Variants in PPFIA3 observed in about 807,000 individuals in gnomAD.
PPFIA3 encodes the protein PPFI scaffold protein A3.
PPFIA3 carries 26 observed loss-of-function variants against 145.8 expected under a neutral mutation model. The observed-to-expected ratio is 0.18, with a 90% CI of 0.13 to 0.25. PPFIA3 has a LOEUF of 0.25. Among genes scored for constraint, PPFIA3 ranks in the 10% least tolerant of loss-of-function variants. The pLI is 1.00. For missense variants in PPFIA3, 1,008 were observed against 1,587.8 expected (o/e 0.63, Z 6.21); for synonymous variants, 645 against 661.4 (o/e 0.98, Z 0.38).
chr19:49,146,559 A>G (rs2041283213), intron 23 of PPFIA3, among the ~76,000 whole-genome samples: 2 of 152,144 alleles, frequency 1.3e-5, no homozygotes, highest in Non-Finnish European at 2.9e-5. Context: ...GCCAAGGAGG[A>G]CACACTGGCT....
At chr19:49,142,711 CTTG>C in intron 20 of PPFIA3, 90 bp from the exon 21 acceptor site, 3 of 1,107,042 alleles carry the variant, frequency 2.7e-6, no homozygotes, top group East Asian at 2.6e-5. Flanking sequence ...TCCCCACCCC[CTTG>C]CCTTTCCCCA....
At position 49,136,925 on chromosome 19, in the gene PPFIA3, C is replaced by T; in HGVS notation, c.1853+14C>T. 1 of 1,503,062 alleles carries T rather than the reference C, an allele frequency of 6.7e-7. No homozygotes were observed. The highest frequency in any genetic ancestry group is 8.9e-7 in the Non-Finnish European group (1 of 1,118,108). 93.1% of individuals were successfully genotyped at this position (1,503,062 alleles called of 1,614,324 possible). Reference sequence around the variant, plus strand: ...CAAGGAGATCAAGTGAGCCCTGGCCCCGCCCCGGCCTGCCCTGCCCTGCCG... The same window carrying T: ...CAAGGAGATCAAGTGAGCCCTGGCCTCGCCCCGGCCTGCCCTGCCCTGCCG... On this transcript the variant is annotated intron_variant, in intron 15 of 29. Coordinates refer to ENST00000334186, the MANE Select transcript of PPFIA3 (RefSeq NM_003660.4).
intron 23 of PPFIA3, among the ~76,000 whole-genome samples, chr19:49,146,756 CCT>C (rs1461355079): frequency 6.6e-6 from 1 of 151,888 alleles, no homozygotes. Flanking sequence ...ATGGTGAAAC[CCT>C]GTGTCTACTA....
In PPFIA3 at chr19:49,134,090, G is replaced by A. The variant is rs1271357762; in HGVS notation, c.1302G>A (p.Val434=). ...DDHNKRLSET[V]DKLLSESNER... is the part of the protein sequence containing the mutation. ...ACAATAAGCGGCTGTCCGAGACGGT[G>A]GACAAGCTGCTGAGCGAGTCCAACG... is the stretch of plus-strand genomic sequence containing the variant. The change falls in exon 11 of 30, where the codon GTG becomes GTA. Residue 434 remains valine, a synonymous_variant. Transcript: ENST00000334186. 1.9e-6 allele frequency: 3 copies of A among 1,613,980 alleles called. No individual in the cohort carries two copies. Among genetic ancestry groups the A allele is most frequent in the Non-Finnish European group, 2.5e-6 (3 of 1,179,938 alleles).
chr19:49,121,517 C>G (rs530754745), intron 1 of PPFIA3, among the ~76,000 whole-genome samples: 1 of 152,122 alleles, frequency 6.6e-6, no homozygotes, highest in Non-Finnish European at 1.5e-5. Flanking sequence ...TGGCTCATGC[C>G]GGTAATCCCA....
intron 19 of PPFIA3, 60 bp from the exon 20 acceptor site, chr19:49,141,974 C>A: frequency 7.2e-7 from 1 of 1,379,354 alleles, no homozygotes; most frequent in Non-Finnish European, 1.0e-6. Context: ...TGGGGGCCAT[C>A]CACAGAGCAG....
intron 17 of PPFIA3, 55 bp downstream of exon 17, chr19:49,139,886 G>C: frequency 6.2e-7 from 1 of 1,611,740 alleles, no homozygotes; most frequent in South Asian, 1.1e-5. Context: ...AAGATGAGAA[G>C]GGGGTGGACA....
At chr19:49,141,849 T>TG (rs985791862) in intron 19 of PPFIA3, among the ~76,000 whole-genome samples, 185 bp from the exon 20 acceptor site, 3 of 151,746 alleles carry the variant, frequency 2.0e-5, no homozygotes, top group African/African-American at 4.9e-5. Context: ...TGATAGGGGT[T>TG]GGGGGGAGAG....
Position 49,120,577 on chromosome 19 carries a change from C to A in PPFIA3, c.-16+855C>A, listed in dbSNP as rs1810085913. ...AGCACCTAGGAATCCTGTTCCCCAGCGTTTGCTCTGCTTAGAACCCCGCTG... is the reference window on the plus strand; with the variant it reads ...AGCACCTAGGAATCCTGTTCCCCAGAGTTTGCTCTGCTTAGAACCCCGCTG... On this transcript the variant is annotated intron_variant, in intron 1 of 29. Transcript: ENST00000334186. This position sits in a 1 kb window ranked among gnomAD's most constrained non-coding sequence, Gnocchi z 4.6. 6.6e-6 allele frequency among the ~76,000 whole-genome samples: 1 copy of A among 152,262 alleles called. No individual in the cohort carries two copies. The highest frequency in any genetic ancestry group is 6.5e-5 in the Admixed American group (1 of 15,296).
chr19:49,150,086 C>G lies in PPFIA3; in HGVS notation c.3533C>G (p.Thr1178Ser), dbSNP rs148153799. 6.2e-7 allele frequency: 1 copy of G among 1,609,922 alleles called. No individual in the cohort carries two copies. Among genetic ancestry groups the G allele is most frequent in the Non-Finnish European group, 8.5e-7 (1 of 1,178,562 alleles). The change falls in exon 29 of 30, where the codon ACT becomes AGT. Residue 1178 changes from threonine (T) to serine (S), a missense_variant. Physicochemically the swap from Thr to Ser is moderately conservative, Grantham distance 58. Transcript: ENST00000334186. ...CTGCTCGCTCTCCCTCCAGGCCAGA[C>G]TTCTGGGAGTTCCCGGGCAGACGGC... is the stretch of plus-strand genomic sequence containing the variant. ...PLRKLQPEGQ[T>S]SGSSRADGVS...
At position 49,120,557 on chromosome 19, in the gene PPFIA3, C is replaced by G. The variant is rs1234742858; in HGVS notation, c.-16+835C>G. Among the ~76,000 whole-genome samples, 1 of 152,158 alleles carries G rather than the reference C, an allele frequency of 6.6e-6. No homozygotes were observed. Among genetic ancestry groups the G allele is most frequent in the Non-Finnish European group, 1.5e-5 (1 of 68,006 alleles). On this transcript the variant is annotated intron_variant, in intron 1 of 29. Transcript: ENST00000334186. The surrounding 1 kb of genome is among the most constrained non-coding windows in gnomAD (Gnocchi z 4.6). ...GTGGTAGCCCTCACCCCGTCAGCAC[C>G]TAGGAATCCTGTTCCCCAGCGTTTG...
At position 49,128,503 on chromosome 19, in the gene PPFIA3, C is replaced by A. The variant is rs1396972997; in HGVS notation, c.342+35C>A. ...GTTGAGGGCGGGGCCTAAGTGGGGG[C>A]GGGGCCTCGTGGTGTTGAAGTGGGG... On this transcript the variant is annotated intron_variant, in intron 3 of 29. Transcript: ENST00000334186. The surrounding 1 kb of genome is among the most constrained non-coding windows in gnomAD (Gnocchi z 4.1). 1 of 427,240 alleles carries A rather than the reference C, an allele frequency of 2.3e-6. No homozygotes were observed. 26.5% of individuals were successfully genotyped at this position (427,240 alleles called of 1,614,324 possible). A position where few individuals can be genotyped will look rare whatever the true frequency, so the allele number is the denominator to read the frequency against.
In PPFIA3 at chr19:49,135,000, GTCC is replaced by G. The variant is rs1239188164; in HGVS notation, c.1520+90_1520+92del. 5 of 1,177,166 alleles carry G rather than the reference GTCC, an allele frequency of 4.2e-6. No homozygotes were observed. In the East Asian group the frequency reaches 9.9e-5, roughly 23 times the overall value. The allele number at this position is 1,177,166 out of a possible 1,614,324, so 72.9% of individuals were successfully genotyped here. A position where few individuals can be genotyped will look rare whatever the true frequency, so the allele number is the denominator to read the frequency against. On this transcript the variant is annotated intron_variant, in intron 13 of 29. Coordinates refer to ENST00000334186, the MANE Select transcript of PPFIA3 (RefSeq NM_003660.4). Reference sequence around the variant, plus strand: ...TCCTCCCTTCTGATCCCCACTTCCTGTCCTCCTGAGACTTCTGACCCCTCTGTT... The same window carrying G: ...TCCTCCCTTCTGATCCCCACTTCCTGTCCTGAGACTTCTGACCCCTCTGTT...
intron 19 of PPFIA3, 127 bp from the exon 20 acceptor site, chr19:49,141,907 C>A: frequency 1.8e-6 from 1 of 547,932 alleles, no homozygotes; most frequent in African/African-American, 2.0e-5. Flanking sequence ...GTGTTTTGTA[C>A]ATTCATAAAA....
In PPFIA3 at chr19:49,128,703, T is replaced by C; in HGVS notation, c.343-145T>C. ...TACCACCGGTTCCTTGACCCCGACC[T>C]CCTCTCTTTTCCTGACCTGTCTCGG... On this transcript the variant is annotated intron_variant, in intron 3 of 29. Coordinates refer to ENST00000334186, the MANE Select transcript of PPFIA3 (RefSeq NM_003660.4). This position sits in a 1 kb window ranked among gnomAD's most constrained non-coding sequence, Gnocchi z 4.1. 1 of 878,720 alleles carries C rather than the reference T, an allele frequency of 1.1e-6. No individual in the cohort carries two copies. Among genetic ancestry groups the C allele is most frequent in the South Asian group, 1.8e-5 (1 of 57,118 alleles). 54.4% of individuals were successfully genotyped at this position (878,720 alleles called of 1,614,324 possible).
At position 49,149,415 on chromosome 19, in the gene PPFIA3, C is replaced by T. The variant is rs2041317265; in HGVS notation, c.3354+90C>T. On this transcript the variant is annotated intron_variant, in intron 27 of 29. Coordinates refer to ENST00000334186, the MANE Select transcript of PPFIA3 (RefSeq NM_003660.4). This position sits in a 1 kb window ranked among gnomAD's most constrained non-coding sequence, Gnocchi z 5.7. ...GGCGGGGCCTGACTATTAATGGTCA[C>T]GGTTGGAGGCGGGGCCAGGAGAGGG... 6.3e-7 allele frequency: 1 copy of T among 1,586,116 alleles called. No individual in the cohort carries two copies. The highest frequency in any genetic ancestry group is 1.3e-5 in the African/African-American group (1 of 74,210).
intron 4 of PPFIA3, 74 bp downstream of exon 4, chr19:49,129,086 T>C: frequency 6.9e-7 from 1 of 1,453,680 alleles, no homozygotes. Flanking sequence ...GTGGGAGAGA[T>C]TCTGGCCGTG....
At chr19:49,132,916 C>G (rs1028750606) in intron 7 of PPFIA3, 85 bp from the exon 8 acceptor site, 16 of 1,523,926 alleles carry the variant, frequency 1.0e-5, no homozygotes, top group Non-Finnish European at 1.3e-5. Context: ...CATGTCAGGG[C>G]ACTTTGTTTC....
intron 1 of PPFIA3, among the ~76,000 whole-genome samples, chr19:49,123,969 G>T (rs1259695007): frequency 6.6e-6 from 1 of 151,958 alleles, no homozygotes. Context: ...GCCTAGAAAT[G>T]TCCTTATTTC....
Sources: allele counts gnomAD v4.1 joint callset (sites outside exome capture counted in the v4.1 genomes callset), GRCh38; gene constraint gnomAD v4.1.1; non-coding constraint Gnocchi (gnomAD v3.1); transcripts MANE v1.5; gene names NCBI Gene and HGNC (gene_info 2026-07-23, HGNC 2026-07-21).